Variants in ST6GAL2 observed in about 807,000 individuals in gnomAD.
ST6GAL2 encodes the protein ST6 beta-galactoside alpha-2,6-sialyltransferase 2.
ST6GAL2 carries 24 observed loss-of-function variants against 37.5 expected under a neutral mutation model. That is an observed-to-expected ratio of 0.64 (90% CI 0.46 to 0.90). The LOEUF is 0.90. Ranked by LOEUF, ST6GAL2 falls within the 40% of genes least tolerant of loss-of-function variation. The pLI, the probability that ST6GAL2 is intolerant of heterozygous loss-of-function variation, is 0.00. For synonymous variants in ST6GAL2, 306 were observed against 295.1 expected (o/e 1.04, Z -0.38); for missense variants, 715 against 712.7 (o/e 1.00, Z -0.04).
At chr2:106,848,169 T>C (rs982700966) in intron 1 of ST6GAL2, among the ~76,000 whole-genome samples, 5 of 151,802 alleles carry the variant, frequency 3.3e-5, no homozygotes, top group Non-Finnish European at 7.4e-5. Context: ...CTCAGCCTCC[T>C]GAAACCCTGC....
At chr2:106,845,823 T>C (rs2104529507) in intron 1 of ST6GAL2, among the ~76,000 whole-genome samples, 1 of 152,292 alleles carries the variant, frequency 6.6e-6, no homozygotes, top group Admixed American at 6.5e-5. Flanking sequence ...CAATGACTGC[T>C]TGGACTAGTA....
chr2:106,836,019 A>G (rs1168668985), intron 2 of ST6GAL2, among the ~76,000 whole-genome samples: 3 of 152,230 alleles, frequency 2.0e-5, no homozygotes, highest in Non-Finnish European at 4.4e-5. Flanking sequence ...TGATAATCCA[A>G]ACACTTTTTA....
intron 5 of ST6GAL2, among the ~76,000 whole-genome samples, chr2:106,826,738 A>C (rs77652628): frequency 6.6e-6 from 1 of 152,174 alleles, no homozygotes; most frequent in Admixed American, 6.5e-5. Context: ...TTAGAAATAT[A>C]AGTAATGGCA....
At chr2:106,814,142 A>C (rs532302158) in intron 5 of ST6GAL2, among the ~76,000 whole-genome samples, 4 of 152,306 alleles carry the variant, frequency 2.6e-5, no homozygotes, top group South Asian at 2.1e-4. Flanking sequence ...CTGGAAGGTC[A>C]ATTTTTAGCT....
Position 106,877,707 on chromosome 2 carries a change from T to C in ST6GAL2, c.-58+8386A>G, listed in dbSNP as rs72933065. ...AAGAGTGCTCAAATACCTTACTGCA[T>C]TCATTAATCCTTATTTTCTACCCAC... On this transcript the variant is annotated intron_variant, in intron 1 of 5. Coordinates refer to ENST00000409382, the MANE Select transcript of ST6GAL2 (RefSeq NM_001142351.2). 3.9e-3 allele frequency among the ~76,000 whole-genome samples: 592 copies of C among 152,358 alleles called. 1 individual carries two copies. Among genetic ancestry groups the C allele is most frequent in the African/African-American group, 0.014 (576 of 41,584 alleles).
intron 5 of ST6GAL2, chr2:106,813,135 T>C (rs1675672485): frequency 3.4e-6 from 4 of 1,162,700 alleles, no homozygotes; most frequent in Non-Finnish European, 4.3e-6. Context: ...TTTTTTGAGA[T>C]GGAGTCTCAC....
At chr2:106,813,438 C>T (rs1275569673) in intron 5 of ST6GAL2, among the ~76,000 whole-genome samples, 1 of 152,024 alleles carries the variant, frequency 6.6e-6, no homozygotes, top group South Asian at 2.1e-4. Context: ...TTTATTTGCT[C>T]CAAAACCTGA....
chr2:106,820,368 TA>T (rs1325760102), intron 5 of ST6GAL2, among the ~76,000 whole-genome samples: 1 of 151,416 alleles, frequency 6.6e-6, no homozygotes, highest in African/African-American at 2.4e-5. Context: ...CAAAAACCTA[TA>T]AAAAAAAGAC....
chr2:106,817,267 C>A lies in ST6GAL2; in HGVS notation c.1319-10318G>T, dbSNP rs552745501. Among the ~76,000 whole-genome samples the A allele has an allele frequency of 2.6e-4, 39 of 152,326 alleles. No homozygotes were observed. In the South Asian group the frequency reaches 6.8e-3, roughly 27 times the overall value. The stretch of plus-strand genomic sequence containing the variant: ...CCAAGGGAGTGCTTGCACCACTCTT[C>A]CCCCAACTCCAGGCAGCACAGGCTG... On this transcript the variant is annotated intron_variant, in intron 5 of 5. Coordinates refer to ENST00000409382, the MANE Select transcript of ST6GAL2 (RefSeq NM_001142351.2).
chr2:106,808,078 G>A (rs1365419764), intron 5 of ST6GAL2, among the ~76,000 whole-genome samples: 1 of 152,134 alleles, frequency 6.6e-6, no homozygotes, highest in African/African-American at 2.4e-5. Flanking sequence ...AGTTATTCTT[G>A]TTATAGCCAA....
intron 1 of ST6GAL2, among the ~76,000 whole-genome samples, chr2:106,865,156 A>G (rs1422265354): frequency 1.3e-5 from 2 of 152,232 alleles, no homozygotes; most frequent in East Asian, 3.8e-4. Flanking sequence ...AAAATGAAAT[A>G]AAAGAATCAG....
intron 5 of ST6GAL2, among the ~76,000 whole-genome samples, chr2:106,813,514 T>G (rs924821834): frequency 3.9e-5 from 6 of 152,220 alleles, no homozygotes; most frequent in Admixed American, 6.5e-5. Flanking sequence ...GTTTCCTTTA[T>G]ACATCTTTAA....
At chr2:106,849,207 T>G (rs1372587311) in intron 1 of ST6GAL2, among the ~76,000 whole-genome samples, 2 of 152,140 alleles carry the variant, frequency 1.3e-5, no homozygotes, top group Non-Finnish European at 2.9e-5. Flanking sequence ...AGATGTAAAC[T>G]GAAAATAAAT....
chr2:106,806,913 T>G lies in ST6GAL2; in HGVS notation c.1355A>C (p.His452Pro), dbSNP rs1249177719. Residue 452 changes from histidine to proline, a missense_variant, in exon 6 of 6, where the codon CAC becomes CCC. Transcript: ENST00000409382. ...CACGGATGGGATATATTCATACACG[T>G]GCACCTCTCTGCACATGGACATCAT... is the stretch of plus-strand genomic sequence containing the variant. ...LIMMSMCREVHVYEYIPSVRQ... is the reference protein window; with the variant it reads ...LIMMSMCREVPVYEYIPSVRQ... The G allele has an allele frequency of 6.2e-7, 1 of 1,613,578 alleles. No individual in the cohort carries two copies. Among genetic ancestry groups the G allele is most frequent in the Non-Finnish European group, 8.5e-7 (1 of 1,179,676 alleles).
At chr2:106,842,265 CCTGA>C (rs1002934839) in intron 2 of ST6GAL2, among the ~76,000 whole-genome samples, 20 of 152,142 alleles carry the variant, frequency 1.3e-4, no homozygotes, top group African/African-American at 4.8e-4. Context: ...TCTGGAGAAC[CCTGA>C]CTGATACAGG....
At chr2:106,816,886 G>A (rs1042469941) in intron 5 of ST6GAL2, among the ~76,000 whole-genome samples, 1 of 152,190 alleles carries the variant, frequency 6.6e-6, no homozygotes, top group Non-Finnish European at 1.5e-5. Flanking sequence ...CCCCAGCAGG[G>A]AGGAGAATCT....
intron 1 of ST6GAL2, among the ~76,000 whole-genome samples, chr2:106,867,036 G>A (rs961766893): frequency 6.6e-6 from 1 of 152,156 alleles, no homozygotes; most frequent in South Asian, 2.1e-4. Flanking sequence ...TAAAAATACT[G>A]TGACAATTCA....
intron 5 of ST6GAL2, among the ~76,000 whole-genome samples, chr2:106,824,229 A>C (rs575130012): frequency 4.1e-4 from 63 of 152,258 alleles, no homozygotes; most frequent in Non-Finnish European, 7.8e-4. Context: ...TCATTTCACA[A>C]GAAGTTTTAA....
intron 5 of ST6GAL2, among the ~76,000 whole-genome samples, chr2:106,829,430 A>G (rs1246421162): frequency 6.6e-6 from 1 of 152,228 alleles, no homozygotes; most frequent in Non-Finnish European, 1.5e-5. Context: ...ACCATGCAAG[A>G]AAGACTATGT....
Sources: gnomAD v4.1 joint callset for allele counts (sites outside exome capture counted in the v4.1 genomes callset) on GRCh38, gnomAD v4.1.1 for gene constraint, MANE v1.5 for transcripts, NCBI Gene and HGNC (gene_info 2026-07-23, HGNC 2026-07-21) for gene names.